RINL: variants seen among roughly 807,000 people sequenced by gnomAD.
RINL encodes the protein ras and Rab interactor-like protein.
Under a neutral mutation model 58.1 loss-of-function variants are expected in RINL, and 39 were observed. The ratio of observed to expected loss-of-function variants is 0.67; its 90% CI spans 0.52 to 0.88. The LOEUF is 0.88. Among genes scored for constraint, RINL ranks in the 40% least tolerant of loss-of-function variants. The pLI, the probability that RINL is intolerant of heterozygous loss-of-function variation, is 0.00. For missense variants in RINL, 711 were observed against 749.2 expected, an observed-to-expected ratio of 0.95 and a Z score of 0.60; for synonymous variants, 286 against 323.1, an observed-to-expected ratio of 0.89 and a Z score of 1.23.
chr19:38,874,452 T>C (rs575279594), intron 3 of RINL, among the ~76,000 whole-genome samples: 2 of 152,324 alleles, frequency 1.3e-5, no homozygotes, highest in African/African-American at 4.8e-5. Flanking sequence ...TTTTGTATTT[T>C]TAGCAGAGAC....
Position 38,870,516 on chromosome 19 carries a change from G to A in RINL, c.1024+54C>T. The A allele has an allele frequency of 6.7e-7, 1 of 1,499,110 alleles. No homozygotes were observed. Among genetic ancestry groups the A allele is most frequent in the Non-Finnish European group, 8.9e-7 (1 of 1,123,986 alleles). 92.9% of individuals were successfully genotyped at this position (1,499,110 alleles called of 1,614,324 possible). ...GGAAACGTGTGCGCACCGATGGAGA[G>A]GACGAAGTTGCACACTTGAACCCGT... On this transcript the variant is annotated intron_variant, in intron 8 of 11. Transcript: ENST00000591812. This position sits in a 1 kb window ranked among gnomAD's most constrained non-coding sequence, Gnocchi z 5.8.
Position 38,869,968 on chromosome 19 carries a change from C to G in RINL, c.1317G>C (p.Ala439=). ...CTTGGTTCTCGCCTCGAGCCAGGCC[C>G]GCATAGACATCTCTGCACACCTCCA... ...LLLEVCRDVY[A]GLARGENQDP... Residue 439 remains alanine (A), a synonymous_variant, in exon 9 of 12, where the codon GCG becomes GCC. Coordinates refer to ENST00000591812, the MANE Select transcript of RINL (RefSeq NM_001195833.2). This position sits in a 1 kb window ranked among gnomAD's most constrained non-coding sequence, Gnocchi z 5.7. 1 of 1,599,976 alleles carries G rather than the reference C, an allele frequency of 6.3e-7. No homozygotes were observed. Among genetic ancestry groups the G allele is most frequent in the Non-Finnish European group, 8.5e-7 (1 of 1,174,508 alleles).
chr19:38,875,726 A>G (rs1469444689), intron 3 of RINL, among the ~76,000 whole-genome samples: 1 of 152,142 alleles, frequency 6.6e-6, no homozygotes, highest in Non-Finnish European at 1.5e-5. Context: ...TAAAATAAAC[A>G]GATGCAAGTG....
chr19:38,877,365 G>T (rs1972957229), intron 1 of RINL, among the ~76,000 whole-genome samples: 1 of 152,152 alleles, frequency 6.6e-6, no homozygotes, highest in African/African-American at 2.4e-5. Flanking sequence ...ACAGCCATGG[G>T]GGCTGTGTAA....
In RINL at chr19:38,869,227, G is replaced by T; in HGVS notation, c.1638+20C>A. On this transcript the variant is annotated intron_variant, in intron 11 of 11. Coordinates refer to ENST00000591812, the MANE Select transcript of RINL (RefSeq NM_001195833.2). This position sits in a 1 kb window ranked among gnomAD's most constrained non-coding sequence, Gnocchi z 5.7. The stretch of plus-strand genomic sequence containing the variant: ...CCAGGTCTCACCCTCCCTTCTACTT[G>T]CAGCCAGATGGGCAGTCACCTGGGC... 6.2e-7 allele frequency: 1 copy of T among 1,614,094 alleles called. No homozygotes were observed. The highest frequency in any genetic ancestry group is 8.5e-7 in the Non-Finnish European group (1 of 1,179,992).
chr19:38,875,730 G>A (rs1972910250), intron 3 of RINL, among the ~76,000 whole-genome samples: 2 of 151,984 alleles, frequency 1.3e-5, no homozygotes, highest in South Asian at 4.1e-4. Context: ...ATAAACAGAT[G>A]CAAGTGGTGC....
rs763782042 is a variant in RINL, at chr19:38,870,869, T to G, written c.725A>C (p.Lys242Thr). The G allele has an allele frequency of 6.2e-7, 1 of 1,605,440 alleles. No individual in the cohort carries two copies. Among genetic ancestry groups the G allele is most frequent in the South Asian group, 1.1e-5 (1 of 91,090 alleles). ...AGGGTCGTCCTCCCTTCCTTCCTCC[T>G]TTCCTTCAAGGTCTTCCTCCTCCTC... The part of the protein sequence containing the change: ...LEEEEEDLEG[K>T]EEGREDDPEE... Residue 242 changes from lysine (K) to threonine (T), a missense_variant, in exon 8 of 12, where the codon AAG (lysine) becomes ACG (threonine). Physicochemically the swap from Lys to Thr is moderately conservative, Grantham distance 78. Coordinates refer to ENST00000591812, the MANE Select transcript of RINL (RefSeq NM_001195833.2). This position sits in a 1 kb window ranked among gnomAD's most constrained non-coding sequence, Gnocchi z 5.8.
Position 38,872,878 on chromosome 19 carries a change from T to TA in RINL, c.313+1007dup, listed in dbSNP as rs1362148193. On this transcript the variant is annotated intron_variant, in intron 4 of 11. Coordinates refer to ENST00000591812, the MANE Select transcript of RINL (RefSeq NM_001195833.2). ...ATGTATCCCAAAACTTAAAGTACGA[T>TA]AAAAAATAAATAAATAAAAATAAAA... Among the ~76,000 whole-genome samples, 6 of 109,240 alleles carry TA rather than the reference T, an allele frequency of 5.5e-5. No individual in the cohort carries two copies. The Admixed American group carries it at 6.0e-4, about 11-fold the overall frequency. 71.7% of individuals were successfully genotyped at this position (109,240 alleles called of 152,430 possible).
At chr19:38,876,632 G>A in intron 2 of RINL, 61 bp downstream of exon 2, 1 of 1,485,726 alleles carries the variant, frequency 6.7e-7, no homozygotes, top group East Asian at 2.5e-5. Flanking sequence ...GGAGGTATTG[G>A]ATGGAAAGGG....
chr19:38,873,939 G>A lies in RINL; in HGVS notation c.260C>T (p.Ser87Leu), dbSNP rs1364274866. Residue 87 changes from serine (S) to leucine (L), a missense_variant, in exon 4 of 12, where the codon TCA becomes TTA. Coordinates refer to ENST00000591812, the MANE Select transcript of RINL (RefSeq NM_001195833.2). ...ATTGACTTCTCCTGGTAAAGGTCCT[G>A]ACCTCAACACCAGGGCCTGGCTGGG... ...RDPSQALVLR[S>L]GPLPGEVNTY... 2 of 1,535,844 alleles carry A rather than the reference G, an allele frequency of 1.3e-6. No individual in the cohort carries two copies. The highest frequency in any genetic ancestry group is 1.7e-6 in the Non-Finnish European group (2 of 1,146,828).
Position 38,871,190 on chromosome 19 carries a change from T to C in RINL, c.489A>G (p.Pro163=), listed in dbSNP as rs768023001. 1.2e-5 allele frequency: 19 copies of C among 1,613,940 alleles called. 1 individual carries two copies. The South Asian group carries it at 2.0e-4, about 17-fold the overall frequency. ...VQIGRVQQDT[P]GKVLSIVNQL... ...GGTTCACAATGGAAAGCACCTTCCCTGGGGTGTCCTGTTGGACCCTGCCGA... is the reference window on the plus strand; with the variant it reads ...GGTTCACAATGGAAAGCACCTTCCCCGGGGTGTCCTGTTGGACCCTGCCGA... The change falls in exon 7 of 12, where the codon CCA becomes CCG. Residue 163 remains proline, a synonymous_variant. Coordinates refer to ENST00000591812, the MANE Select transcript of RINL (RefSeq NM_001195833.2).
chr19:38,872,103 G>A (rs1301909483), intron 4 of RINL, among the ~76,000 whole-genome samples: 1 of 152,176 alleles, frequency 6.6e-6, no homozygotes, highest in East Asian at 1.9e-4. Context: ...CTAGGCACTG[G>A]AGATACAGTT....
In RINL at chr19:38,875,207, CTTTTTTCTTTTTTTT is replaced by C. The variant is rs1021655257; in HGVS notation, c.210+1109_210+1123del. ...ACCTGGGCCCCATCCTTTTTTTTTT[CTTTTTTCTTTTTTTT>C]TTTTTTTTAATAGAGACTGGGCCTT... On this transcript the variant is annotated intron_variant, in intron 3 of 11. Transcript: ENST00000591812. 1.3e-3 allele frequency among the ~76,000 whole-genome samples: 186 copies of C among 141,834 alleles called. 4 individuals carry two copies. Among genetic ancestry groups the C allele is most frequent in the Non-Finnish European group, 5.7e-4 (37 of 65,182 alleles). 93.0% of individuals were successfully genotyped at this position (141,834 alleles called of 152,430 possible).
Position 38,871,152 on chromosome 19 carries a change from T to C in RINL, c.527A>G (p.Glu176Gly). ...CTCCCTCCCCCAGCCTCTGTGGGTC[T>C]CCAGGTAGAGCTGGTTCACAATGGA... ...VLSIVNQLYL[E>G]THRGWGREQT... The change falls in exon 7 of 12, where the codon GAG (glutamate) becomes GGG (glycine). Residue 176 changes from glutamate to glycine, a missense_variant. Transcript: ENST00000591812. 1 of 1,613,894 alleles carries C rather than the reference T, an allele frequency of 6.2e-7. No homozygotes were observed.
chr19:38,873,215 C>G (rs1027658315), intron 4 of RINL, among the ~76,000 whole-genome samples: 1 of 152,094 alleles, frequency 6.6e-6, no homozygotes, highest in African/African-American at 2.4e-5. Flanking sequence ...AAGCAGAGGT[C>G]CTGAAGCTGG....
intron 3 of RINL, 32 bp downstream of exon 3, chr19:38,876,299 G>A (rs1376142884): frequency 1.3e-6 from 2 of 1,523,854 alleles, no homozygotes; most frequent in East Asian, 4.9e-5. Context: ...AATCTAGGGT[G>A]TCAGGATGGG....
chr19:38,876,812 G>A (rs149164384), intron 1 of RINL, 31 bp from the exon 2 acceptor site: 1 of 1,236,820 alleles, frequency 8.1e-7, no homozygotes, highest in East Asian at 2.5e-5. Flanking sequence ...ACTCAAAGCT[G>A]CTCTAGCCCT....
chr19:38,876,059 A>ATT lies in RINL; in HGVS notation c.210+270_210+271dup, dbSNP rs5828019. On this transcript the variant is annotated intron_variant, in intron 3 of 11. Transcript: ENST00000591812. The stretch of plus-strand genomic sequence containing the variant: ...AGGATCCAGAGCTTCTTGAAATTAC[A>ATT]TTTTTTTTTTTTTTTTTTTAGACAG... 6.5e-3 allele frequency among the ~76,000 whole-genome samples: 897 copies of ATT among 138,560 alleles called. 9 individuals are homozygous for ATT. The highest frequency in any genetic ancestry group is 0.023 in the African/African-American group (843 of 37,072). 90.9% of individuals were successfully genotyped at this position (138,560 alleles called of 152,430 possible).
rs372803572 is a variant in RINL, at chr19:38,871,651, G to A, written c.447C>T (p.His149=). ...PPPTLGPRDE[H]TDPVQIGRVQ... is the part of the protein sequence containing the mutation. The stretch of plus-strand genomic sequence containing the variant: ...CTTTAGAGAACCGTGCCTCACCTGT[G>A]TGTTCATCTCTGGGCCCTAGAGTGG... Residue 149 remains histidine, a synonymous_variant, in exon 6 of 12, where the codon CAC becomes CAT. Coordinates refer to ENST00000591812, the MANE Select transcript of RINL (RefSeq NM_001195833.2). 6.2e-7 allele frequency: 1 copy of A among 1,613,836 alleles called. No individual in the cohort carries two copies. The highest frequency in any genetic ancestry group is 8.5e-7 in the Non-Finnish European group (1 of 1,179,908).
Sources: gnomAD v4.1 joint callset for allele counts (sites outside exome capture counted in the v4.1 genomes callset) on GRCh38, gnomAD v4.1.1 for gene constraint, Gnocchi (gnomAD v3.1) non-coding constraint, MANE v1.5 for transcripts, NCBI Gene and HGNC (gene_info 2026-07-23, HGNC 2026-07-21) for gene names.